KCNC4: variants seen among roughly 807,000 people sequenced by gnomAD.
The protein encoded by KCNC4 is voltage-gated potassium channel KCNC4.
In KCNC4, 23 loss-of-function variants were observed where a neutral mutation model predicts 42.8. The observed-to-expected ratio is 0.54, with a 90% CI of 0.39 to 0.76. The LOEUF is 0.76. KCNC4 is among the 30% of genes least tolerant of loss of function. The pLI is 0.00. For synonymous variants in KCNC4, 422 were observed against 393.5 expected, an observed-to-expected ratio of 1.07 and a Z score of -0.86; for missense variants, 751 against 898.2, an observed-to-expected ratio of 0.84 and a Z score of 2.10.
chr1:110,274,484 T>C (rs1659684886), intron 1 of KCNC4, among the ~76,000 whole-genome samples: 2 of 152,216 alleles, frequency 1.3e-5, no homozygotes, highest in South Asian at 4.1e-4. Context: ...AATGCCATTG[T>C]CATTTTTCAC....
At chr1:110,216,656 G>T (rs779483717) in intron 1 of KCNC4, among the ~76,000 whole-genome samples, 13 of 152,294 alleles carry the variant, frequency 8.5e-5, no homozygotes, top group Middle Eastern at 6.8e-3. Flanking sequence ...TTGGCCTTGA[G>T]GGTAGGAGAC....
At chr1:110,220,951 G>C (rs1424857136) in intron 1 of KCNC4, 2 of 152,228 alleles carry the variant, frequency 1.3e-5, no homozygotes, top group African/African-American at 2.4e-5. Context: ...CTGTGTAATT[G>C]TTATTACACA....
intron 1 of KCNC4, 79 bp downstream of exon 1, chr1:110,212,256 A>G (rs1571019687): frequency 7.6e-7 from 1 of 1,322,732 alleles, no homozygotes; most frequent in East Asian, 3.0e-5. Context: ...GGCCGGGAGG[A>G]GCAGGGACCG....
chr1:110,223,130 CCTA>C lies in KCNC4; in HGVS notation c.847_849del (p.Tyr283del). 6.2e-7 allele frequency: 1 copy of C among 1,614,224 alleles called. No individual in the cohort carries two copies. Among genetic ancestry groups the C allele is most frequent in the Non-Finnish European group, 8.5e-7 (1 of 1,180,038 alleles). On this transcript the variant is annotated inframe_deletion, in exon 2 of 4. Coordinates refer to ENST00000438661, the MANE Select transcript of KCNC4 (RefSeq NM_001039574.3). The surrounding 1 kb of genome is among the most constrained non-coding windows in gnomAD (Gnocchi z 7.5). ...GAGGTAGAGACAGAGCCCATCCTGA[CCTA>C]CATCGAGGGCGTATGTGTGCTGTGG...
At chr1:110,266,450 C>A (rs1033057752) in intron 1 of KCNC4, among the ~76,000 whole-genome samples, 5 of 152,186 alleles carry the variant, frequency 3.3e-5, no homozygotes, top group Middle Eastern at 3.2e-3. Flanking sequence ...CCTTTGGAAA[C>A]AGTCATTCAT....
downstream of KCNC4, among the ~76,000 whole-genome samples, chr1:110,250,451 T>G (rs546584071): frequency 1.1e-4 from 17 of 152,292 alleles, no homozygotes; most frequent in East Asian, 2.5e-3. Context: ...ATAATTCATA[T>G]GTCACATTTG....
chr1:110,279,483 G>C (rs1267884289), intron 1 of KCNC4, among the ~76,000 whole-genome samples: 3 of 152,152 alleles, frequency 2.0e-5, no homozygotes, highest in African/African-American at 7.2e-5. Context: ...CTCCCATGTG[G>C]TCTCCCTGAG....
intron 1 of KCNC4, among the ~76,000 whole-genome samples, chr1:110,212,402 C>G (rs989981214): frequency 6.6e-6 from 1 of 152,220 alleles, no homozygotes; most frequent in African/African-American, 2.4e-5. Context: ...TGACTTACTA[C>G]TTGGACCCAG....
intron 1 of KCNC4, among the ~76,000 whole-genome samples, chr1:110,264,925 T>TA (rs1199948995): frequency 6.6e-6 from 1 of 151,932 alleles, no homozygotes; most frequent in East Asian, 1.9e-4. Context: ...CTACTAAAAA[T>TA]ACAAAAATTG....
chr1:110,254,264 G>T (rs569703787), intron 1 of KCNC4, among the ~76,000 whole-genome samples: 16 of 152,274 alleles, frequency 1.1e-4, no homozygotes, highest in Non-Finnish European at 1.3e-4. Flanking sequence ...TGCGGGATTT[G>T]GGTGCATCCA....
chr1:110,248,312 C>T (rs1199649687), exon 4 of KCNC4: 5 of 152,152 alleles, frequency 3.3e-5, no homozygotes, highest in African/African-American at 7.2e-5. Flanking sequence ...TTAAATTATA[C>T]CCCTGGTTCA....
intron 1 of KCNC4, among the ~76,000 whole-genome samples, chr1:110,258,324 G>A (rs767157914): frequency 1.3e-5 from 2 of 151,942 alleles, no homozygotes; most frequent in Non-Finnish European, 2.9e-5. Flanking sequence ...TGCAACCTCC[G>A]CCTCCTGGGT....
At chr1:110,281,557 C>A (rs934865392) in intron 1 of KCNC4, among the ~76,000 whole-genome samples, 1 of 138,404 alleles carries the variant, frequency 7.2e-6, no homozygotes, top group African/African-American at 2.6e-5. Flanking sequence ...TATGTAAAAA[C>A]ACACACACAC....
chr1:110,223,304 G>A lies in KCNC4; in HGVS notation c.1019G>A (p.Arg340His), dbSNP rs1205359417. 3.7e-6 allele frequency: 6 copies of A among 1,614,016 alleles called. No individual in the cohort carries two copies. The highest frequency in any genetic ancestry group is 1.7e-5 in the Admixed American group (1 of 60,002). ...AGCGGCCTGTCATCCAAGGCGGCCC[G>A]CGACGTGCTGGGCTTCCTGCGCGTG... Reference protein sequence around the residue: ...GLSGLSSKAARDVLGFLRVVR... With the variant: ...GLSGLSSKAAHDVLGFLRVVR... The change falls in exon 2 of 4, where the codon CGC becomes CAC. Residue 340 changes from arginine to histidine, a missense_variant. Arg to His is a conservative substitution (Grantham distance 29). Coordinates refer to ENST00000438661, the MANE Select transcript of KCNC4 (RefSeq NM_001039574.3). The surrounding 1 kb of genome is among the most constrained non-coding windows in gnomAD (Gnocchi z 7.5).
In KCNC4 at chr1:110,272,791, A is replaced by G. The variant is rs78495937; in HGVS notation, n.31-9743A>G. Among the ~76,000 whole-genome samples, 213 of 152,316 alleles carry G rather than the reference A, an allele frequency of 1.4e-3. 4 individuals carry two copies. The East Asian group carries it at 0.033, about 24-fold the overall frequency. On this transcript the variant is annotated intron_variant and non_coding_transcript_variant, in intron 1 of 2. Transcript: ENST00000412512. ...TCAGATTTCCCAGATGCAATTTTCA[A>G]AATGATACTGGCTGCACTTTATTTC...
Position 110,223,789 on chromosome 1 carries a change from C to G in KCNC4, c.1504C>G (p.Leu502Val), listed in dbSNP as rs1468124833. The change falls in exon 2 of 4, where the codon CTG (leucine) becomes GTG (valine). Residue 502 changes from leucine to valine, a missense_variant. Coordinates refer to ENST00000438661, the MANE Select transcript of KCNC4 (RefSeq NM_001039574.3). This position sits in a 1 kb window ranked among gnomAD's most constrained non-coding sequence, Gnocchi z 7.5. ...GAAGCACGTGCCACGGCCGGCGCAG[C>G]TGGAGTCACCCATGTACTGCAAGTC... Reference protein sequence around the residue: ...RKKHVPRPAQLESPMYCKSEE... With the variant: ...RKKHVPRPAQVESPMYCKSEE... 1.2e-6 allele frequency: 2 copies of G among 1,614,152 alleles called. No homozygotes were observed. Among genetic ancestry groups the G allele is most frequent in the Non-Finnish European group, 8.5e-7 (1 of 1,180,018 alleles).
intron 1 of KCNC4, among the ~76,000 whole-genome samples, chr1:110,213,197 A>AAAAAAAAAAAAAAAAAT (rs869067205): frequency 6.8e-6 from 1 of 147,162 alleles, no homozygotes; most frequent in Non-Finnish European, 1.5e-5. Context: ...AAAAAAAAAA[A>AAAAAAAAAAAAAAAAAT]TCCCTGAAGG....
At chr1:110,213,239 C>T (rs1004274137) in intron 1 of KCNC4, among the ~76,000 whole-genome samples, 2 of 135,262 alleles carry the variant, frequency 1.5e-5, no homozygotes, top group Non-Finnish European at 3.1e-5. Flanking sequence ...AAAGAAAACT[C>T]TGGGGGCTGG....
chr1:110,226,232 G>T (rs763109402), intron 3 of KCNC4, 54 bp downstream of exon 3: 2 of 1,540,170 alleles, frequency 1.3e-6, no homozygotes, highest in Non-Finnish European at 1.8e-6. Flanking sequence ...TGAGTCTCCC[G>T]AGTCCCCCAC....
Sources: allele counts gnomAD v4.1 joint callset (sites outside exome capture counted in the v4.1 genomes callset), GRCh38; gene constraint gnomAD v4.1.1; non-coding constraint Gnocchi (gnomAD v3.1); transcripts MANE v1.5; gene names NCBI Gene and HGNC (gene_info 2026-07-23, HGNC 2026-07-21).